The following THBD variants were observed in gnomAD, a reference collection of about 807,000 sequenced individuals.
THBD encodes CD141 antigen.
For missense variants in THBD, 850 were observed against 816.9 expected (o/e 1.04, Z -0.49); for synonymous variants, 449 against 374.2 (o/e 1.20, Z -2.31).
rs1291118429 is a variant in THBD at position 23,048,019 on chromosome 20, G to A, written c.1486C>T (p.Pro496Ser). Residue 496 changes from proline to serine, a missense_variant, in exon 1 of 1, where the codon CCG becomes TCG. Pro to Ser is a moderately conservative substitution (Grantham distance 74). Transcript: ENST00000377103. ...DGGDSGSGEP[P>S]PSPTPGSTLT... is the part of the protein sequence containing the mutation. ...GTGGAGCCGGGCGTCGGGCTGGGCG[G>A]GGGCTCGCCAGAGCCGCTGTCGCCA... The A allele has an allele frequency of 1.2e-6, 2 of 1,609,872 alleles. No individual in the cohort carries two copies. Among genetic ancestry groups the A allele is most frequent in the Admixed American group, 1.7e-5 (1 of 59,552 alleles).
rs1281049267 is a variant in THBD at position 23,048,695 on chromosome 20, G to C, written c.810C>G (p.Gly270=). The change falls in exon 1 of 1, where the codon GGC becomes GGG. Residue 270 remains glycine (G), a synonymous_variant. Transcript: ENST00000377103. ...AGCGCCCGTCTGCCTGCAGGGCGGC[G>C]CCGGCTGGGCACTGGCAGCGGGGAG... is the stretch of plus-strand genomic sequence containing the variant. ...PGAPRCQCPA[G]AALQADGRSC... is the part of the protein sequence containing the mutation. 6.3e-7 allele frequency: 1 copy of C among 1,584,076 alleles called. No homozygotes were observed. The highest frequency in any genetic ancestry group is 1.7e-5 in the Admixed American group (1 of 58,162).
chr20:23,048,452 G>A lies in THBD; in HGVS notation c.1053C>T (p.Cys351=). The change falls in exon 1 of 1, where the codon TGC becomes TGT. Residue 351 remains cysteine, a synonymous_variant. Transcript: ENST00000377103. ...VNTQGGFECH[C]YPNYDLVDGE... is the part of the protein sequence containing the mutation. ...CGTCCACCAGGTCGTAGTTAGGGTA[G>A]CAGTGGCACTCGAAGCCACCCTGTG... is the stretch of plus-strand genomic sequence containing the variant. 6.2e-7 allele frequency: 1 copy of A among 1,613,584 alleles called. No individual in the cohort carries two copies. The highest frequency in any genetic ancestry group is 8.5e-7 in the Non-Finnish European group (1 of 1,180,046).
In THBD at chr20:23,047,670, G is replaced by A. The variant is rs1984605804; in HGVS notation, c.*107C>T. 1 of 1,359,112 alleles carries A rather than the reference G, an allele frequency of 7.4e-7. No individual in the cohort carries two copies. The highest frequency in any genetic ancestry group is 1.5e-5 in the African/African-American group (1 of 68,670). 84.2% of individuals were successfully genotyped at this position (1,359,112 alleles called of 1,614,324 possible). On this transcript the variant is annotated 3_prime_UTR_variant, in exon 1 of 1. Coordinates refer to ENST00000377103, the MANE Select transcript of THBD (RefSeq NM_000361.3). ...GAAGAAAACAGCTTGGGGGGTGCGG[G>A]GAGGGTCTTCTCCAGCTGTAATGCC...
At position 23,049,427 on chromosome 20, in the gene THBD, A is replaced by C. The variant is rs554351262; in HGVS notation, c.78T>G (p.Gly26=). Residue 26 remains glycine (G), a synonymous_variant, in exon 1 of 1, where the codon GGT becomes GGG. Transcript: ENST00000377103. ...GFPAPAEPQP[G]GSQCVEHDCF... is the part of the protein sequence containing the mutation. Reference sequence around the variant, plus strand: ...AGTCGTGCTCGACGCACTGGCTGCCACCCGGCTGCGGCTCTGCGGGTGCGG... The same window carrying C: ...AGTCGTGCTCGACGCACTGGCTGCCCCCCGGCTGCGGCTCTGCGGGTGCGG... 1.9e-6 allele frequency: 3 copies of C among 1,568,970 alleles called. No individual in the cohort carries two copies. The highest frequency in any genetic ancestry group is 2.7e-5 in the African/African-American group (2 of 73,676).
At position 23,047,972 on chromosome 20, in the gene THBD, C is replaced by T. The variant is rs1371959684; in HGVS notation, c.1533G>A (p.Gly511=). The T allele has an allele frequency of 6.2e-7, 1 of 1,609,066 alleles. No homozygotes were observed. The highest frequency in any genetic ancestry group is 1.7e-5 in the Admixed American group (1 of 59,336). The change falls in exon 1 of 1, where the codon GGG becomes GGA. Residue 511 remains glycine, a synonymous_variant. Transcript: ENST00000377103. ...PGSTLTPPAV[G]LVHSGLLIGI... Reference sequence around the variant, plus strand: ...CTATGAGCAAGCCCGAATGCACGAGCCCCACGGCCGGAGGAGTCAAGGTGG... The same window carrying T: ...CTATGAGCAAGCCCGAATGCACGAGTCCCACGGCCGGAGGAGTCAAGGTGG...
At position 23,048,270 on chromosome 20, in the gene THBD, G is replaced by T; in HGVS notation, c.1235C>A (p.Ala412Asp). The T allele has an allele frequency of 6.2e-7, 1 of 1,613,938 alleles. No homozygotes were observed. The highest frequency in any genetic ancestry group is 1.3e-5 in the African/African-American group (1 of 75,070). Residue 412 changes from alanine (A) to aspartate (D), a missense_variant, in exon 1 of 1, where the codon GCC becomes GAC. Physicochemically the swap from Ala to Asp is moderately radical, Grantham distance 126. Coordinates refer to ENST00000377103, the MANE Select transcript of THBD (RefSeq NM_000361.3). ...HRCQMFCNQT[A>D]CPADCDPNTQ... ...GTTGGGGTCGCAGTCGGCTGGACAG[G>T]CAGTCTGGTTGCAAAACATCTGGCA... is the stretch of plus-strand genomic sequence containing the variant.
chr20:23,049,587 C>T lies in THBD; in HGVS notation c.-83G>A. The T allele has an allele frequency of 6.6e-7, 1 of 1,515,778 alleles. No individual in the cohort carries two copies. Among genetic ancestry groups the T allele is most frequent in the Non-Finnish European group, 8.9e-7 (1 of 1,117,526 alleles). The allele number at this position is 1,515,778 out of a possible 1,614,324, so 93.9% of individuals were successfully genotyped here. On this transcript the variant is annotated 5_prime_UTR_variant, in exon 1 of 1. Transcript: ENST00000377103. The stretch of plus-strand genomic sequence containing the variant: ...CGTGCCGGAGCAGAGGGGCACAGGA[C>T]GCCGATGGCGACAGCCTCTCCTGTC...
At position 23,049,234 on chromosome 20, in the gene THBD, G is replaced by C. The variant is rs1453264247; in HGVS notation, c.271C>G (p.Gln91Glu). ...VGRRRLWIGL[Q>E]LPPGCGDPKR... ...GGGTCGCCGCAGCCGGGTGGCAGCTGCAGGCCGATCCAGAGGCGCCGGCGG... is the reference window on the plus strand; with the variant it reads ...GGGTCGCCGCAGCCGGGTGGCAGCTCCAGGCCGATCCAGAGGCGCCGGCGG... The change falls in exon 1 of 1, where the codon CAG becomes GAG. Residue 91 changes from glutamine (Q) to glutamate (E), a missense_variant. Transcript: ENST00000377103. 4 of 1,556,320 alleles carry C rather than the reference G, an allele frequency of 2.6e-6. No homozygotes were observed. Among genetic ancestry groups the C allele is most frequent in the Non-Finnish European group, 3.5e-6 (4 of 1,150,792 alleles).
chr20:23,049,235 C>A lies in THBD; in HGVS notation c.270G>T (p.Leu90=), dbSNP rs1984672506. 1 of 1,553,026 alleles carries A rather than the reference C, an allele frequency of 6.4e-7. No homozygotes were observed. The highest frequency in any genetic ancestry group is 8.7e-7 in the Non-Finnish European group (1 of 1,149,214). Residue 90 remains leucine (L), a synonymous_variant, in exon 1 of 1, where the codon CTG becomes CTT. Transcript: ENST00000377103. ...GGTCGCCGCAGCCGGGTGGCAGCTG[C>A]AGGCCGATCCAGAGGCGCCGGCGGC... is the stretch of plus-strand genomic sequence containing the variant. ...GVGRRRLWIG[L]QLPPGCGDPK... is the part of the protein sequence containing the mutation.
chr20:23,049,281 A>C lies in THBD; in HGVS notation c.224T>G (p.Leu75Arg), dbSNP rs1319062974. The change falls in exon 1 of 1, where the codon CTG becomes CGG. Residue 75 changes from leucine (L) to arginine (R), a missense_variant. Transcript: ENST00000377103. Reference protein sequence around the residue: ...SVAADVISLLLNGDGGVGRRR... With the variant: ...SVAADVISLLRNGDGGVGRRR... The stretch of plus-strand genomic sequence containing the variant: ...GCGGCCAACGCCGCCGTCGCCGTTC[A>C]GTAGCAAGGAAATGACATCGGCAGC... The C allele has an allele frequency of 6.5e-7, 1 of 1,537,494 alleles. No homozygotes were observed. The highest frequency in any genetic ancestry group is 1.2e-5 in the South Asian group (1 of 84,662).
rs770936872 is a variant in THBD at position 23,049,165 on chromosome 20, C to T, written c.340G>A (p.Asp114Asn). ...PLRGFQWVTG[D>N]NNTSYSRWAR... ...CACCTGCTATAGCTGGTGTTGTTGT[C>T]TCCCGTAACCCACTGGAAGCCGCGC... Residue 114 changes from aspartate to asparagine, a missense_variant, in exon 1 of 1, where the codon GAC becomes AAC. By Grantham distance (23) the Asp-to-Asn change is conservative (BLOSUM62 1). Transcript: ENST00000377103. 3.8e-6 allele frequency: 6 copies of T among 1,581,844 alleles called. No individual in the cohort carries two copies. The East Asian group carries it at 1.1e-4, about 30-fold the overall frequency.
In THBD at chr20:23,047,916, A is replaced by G; in HGVS notation, c.1589T>C (p.Val530Ala). ...GTGGCAGAGGAGCGCCAAAAGCGCC[A>G]CCACCAGGCACAGGCTCGCGATGGA... is the stretch of plus-strand genomic sequence containing the variant. ...GISIASLCLV[V>A]ALLALLCHLR... Residue 530 changes from valine (V) to alanine (A), a missense_variant, in exon 1 of 1, where the codon GTG (valine) becomes GCG (alanine). Val to Ala is a moderately conservative substitution (Grantham distance 64, BLOSUM62 0). Coordinates refer to ENST00000377103, the MANE Select transcript of THBD (RefSeq NM_000361.3). 6.2e-7 allele frequency: 1 copy of G among 1,609,932 alleles called. No homozygotes were observed. Among genetic ancestry groups the G allele is most frequent in the South Asian group, 1.1e-5 (1 of 90,394 alleles).
rs1303726219 is a variant in THBD, at chr20:23,048,959, G to A, written c.546C>T (p.Pro182=). The A allele has an allele frequency of 6.4e-7, 1 of 1,552,908 alleles. No individual in the cohort carries two copies. Among genetic ancestry groups the A allele is most frequent in the Non-Finnish European group, 8.7e-7 (1 of 1,152,240 alleles). ...TCGAGACGGCGGCAGCCGCGGCGCC[G>A]GGCTCCACAGCCAGTGGCCTGCAGG... ...PATCRPLAVE[P]GAAAAAVSIT... The change falls in exon 1 of 1, where the codon CCC becomes CCT. Residue 182 remains proline, a synonymous_variant. Coordinates refer to ENST00000377103, the MANE Select transcript of THBD (RefSeq NM_000361.3).
Position 23,049,478 on chromosome 20 carries a change from C to G in THBD, c.27G>C (p.Ala9=), listed in dbSNP as rs1428123748. Residue 9 remains alanine (A), a synonymous_variant, in exon 1 of 1, where the codon GCG becomes GCC. Coordinates refer to ENST00000377103, the MANE Select transcript of THBD (RefSeq NM_000361.3). ...GGAACCCCAGGCCGGCCAGGGCCAG[C>G]GCGCCAAGGACCAGGACCCCAAGCA... MLGVLVLG[A]LALAGLGFPA... The G allele has an allele frequency of 1.3e-6, 2 of 1,541,438 alleles. No individual in the cohort carries two copies. The highest frequency in any genetic ancestry group is 1.7e-6 in the Non-Finnish European group (2 of 1,144,200).
At position 23,047,737 on chromosome 20, in the gene THBD, C is replaced by G. The variant is rs1361484502; in HGVS notation, c.*40G>C. 1 of 1,528,908 alleles carries G rather than the reference C, an allele frequency of 6.5e-7. No individual in the cohort carries two copies. Among genetic ancestry groups the G allele is most frequent in the South Asian group, 1.2e-5 (1 of 84,098 alleles). The allele number at this position is 1,528,908 out of a possible 1,614,324, so 94.7% of individuals were successfully genotyped here. On this transcript the variant is annotated 3_prime_UTR_variant, in exon 1 of 1. Coordinates refer to ENST00000377103, the MANE Select transcript of THBD (RefSeq NM_000361.3). ...TAGCAAAGCTGGGGGTGAGGAGGCA[C>G]AGGCTCCTGGACGGAGCCAGGCTCC...
rs1161973645 is a variant in THBD at position 23,049,571 on chromosome 20, G to A, written c.-67C>T. 5 of 1,536,436 alleles carry A rather than the reference G, an allele frequency of 3.3e-6. No homozygotes were observed. In the South Asian group the frequency reaches 4.8e-5, roughly 15 times the overall value. On this transcript the variant is annotated 5_prime_UTR_variant, in exon 1 of 1. Coordinates refer to ENST00000377103, the MANE Select transcript of THBD (RefSeq NM_000361.3). ...GGCACTGCGACAGGGCCGTGCCGGA[G>A]CAGAGGGGCACAGGACGCCGATGGC... is the stretch of plus-strand genomic sequence containing the variant.
Position 23,049,495 on chromosome 20 carries a change from C to T in THBD, c.10G>A (p.Val4Ile). Reference sequence around the variant, plus strand: ...AGGGCCAGCGCGCCAAGGACCAGGACCCCAAGCATGTTACCCAGGCGCGCC... The same window carrying T: ...AGGGCCAGCGCGCCAAGGACCAGGATCCCAAGCATGTTACCCAGGCGCGCC... MLG[V>I]LVLGALALAG... The change falls in exon 1 of 1, where the codon GTC (valine) becomes ATC (isoleucine). Residue 4 changes from valine to isoleucine, a missense_variant. By Grantham distance (29) the Val-to-Ile change is conservative. Coordinates refer to ENST00000377103, the MANE Select transcript of THBD (RefSeq NM_000361.3). 1 of 1,537,032 alleles carries T rather than the reference C, an allele frequency of 6.5e-7. No individual in the cohort carries two copies.
Position 23,048,648 on chromosome 20 carries a change from T to G in THBD, c.857A>C (p.Gln286Pro). 1 of 1,594,406 alleles carries G rather than the reference T, an allele frequency of 6.3e-7. No homozygotes were observed. Among genetic ancestry groups the G allele is most frequent in the Non-Finnish European group, 8.5e-7 (1 of 1,177,630 alleles). The change falls in exon 1 of 1, where the codon CAG (glutamine) becomes CCG (proline). Residue 286 changes from glutamine (Q) to proline (P), a missense_variant. Coordinates refer to ENST00000377103, the MANE Select transcript of THBD (RefSeq NM_000361.3). ...GTGCTCGCAGAGGTCGTTGCAGGACTGCGTCGCGGATGCGGTGCAGGAGCG... is the reference window on the plus strand; with the variant it reads ...GTGCTCGCAGAGGTCGTTGCAGGACGGCGTCGCGGATGCGGTGCAGGAGCG... ...DGRSCTASAT[Q>P]SCNDLCEHFC...
Position 23,047,159 on chromosome 20 carries a change from G to A in THBD, c.*618C>T, listed in dbSNP as rs1984591401. 1.3e-5 allele frequency: 2 copies of A among 152,318 alleles called. No homozygotes were observed. Among genetic ancestry groups the A allele is most frequent in the Admixed American group, 6.5e-5 (1 of 15,290 alleles). 9.4% of individuals were successfully genotyped at this position (152,318 alleles called of 1,614,324 possible). A position where few individuals can be genotyped will look rare whatever the true frequency, so the allele number is the denominator to read the frequency against. On this transcript the variant is annotated 3_prime_UTR_variant, in exon 1 of 1. Transcript: ENST00000377103. ...GACAGCTAAGAGCAAAAGAAGTAGG[G>A]TCAGGCACAGGTAGGGTGACTCAGG... is the stretch of plus-strand genomic sequence containing the variant.
Sources: allele counts gnomAD v4.1 joint callset, GRCh38; gene constraint gnomAD v4.1.1; transcripts MANE v1.5; gene names NCBI Gene and HGNC (gene_info 2026-07-23, HGNC 2026-07-21).